Variants in ARHGEF4 observed in about 807,000 individuals in gnomAD.
The protein encoded by ARHGEF4 is Rho guanine nucleotide exchange factor 4.
In ARHGEF4, 119 loss-of-function variants were observed where a neutral mutation model predicts 162.0. That is an observed-to-expected ratio of 0.73 (90% CI 0.63 to 0.86). The LOEUF (loss-of-function observed/expected upper bound fraction) is 0.86. Among genes scored for constraint, ARHGEF4 ranks in the 40% least tolerant of loss-of-function variants. The probability of loss-of-function intolerance (pLI) is 0.00; values close to 1 mark genes in which losing one functional copy is unlikely to be tolerated. For missense variants in ARHGEF4, 2,488 were observed against 2,456.0 expected (o/e 1.01, Z -0.28); for synonymous variants, 1,014 against 979.9 (o/e 1.03, Z -0.65).
At chr2:131,040,741 C>G (rs988170657) in intron 8 of ARHGEF4, among the ~76,000 whole-genome samples, 9 of 152,180 alleles carry the variant, frequency 5.9e-5, no homozygotes, top group Non-Finnish European at 1.0e-4. Context: ...AGGGGCTGTT[C>G]AGAGTGAGCT....
chr2:131,004,630 G>T (rs993583433), intron 4 of ARHGEF4, among the ~76,000 whole-genome samples: 2 of 152,000 alleles, frequency 1.3e-5, no homozygotes, highest in African/African-American at 4.8e-5. Flanking sequence ...TTCCAGGCCT[G>T]ACCCGGCCGT....
intron 4 of ARHGEF4, among the ~76,000 whole-genome samples, chr2:130,987,245 T>C (rs1169302857): frequency 6.6e-6 from 1 of 152,174 alleles, no homozygotes. Flanking sequence ...CCAGAAGGAC[T>C]CCCCAAGTGC....
Position 130,897,936 on chromosome 2 carries a change from T to A in ARHGEF4, c.40-16050T>A, listed in dbSNP as rs538459090. On this transcript the variant is annotated intron_variant, in intron 1 of 13. Transcript: ENST00000409359. ...CAAATACCGGGCGACAGAAACTATT[T>A]TAGCTGCATTTGCTTTTTAGGTTTA... Among the ~76,000 whole-genome samples, 3 of 152,352 alleles carry A rather than the reference T, an allele frequency of 2.0e-5. No individual in the cohort carries two copies. In the South Asian group the frequency reaches 6.2e-4, roughly 32 times the overall value.
At chr2:130,906,028 C>T (rs1680791331) in intron 1 of ARHGEF4, among the ~76,000 whole-genome samples, 1 of 152,148 alleles carries the variant, frequency 6.6e-6, no homozygotes, top group Admixed American at 6.5e-5. Flanking sequence ...TGCTGTTACC[C>T]AGACTGTTCC....
intron 1 of ARHGEF4, among the ~76,000 whole-genome samples, chr2:130,898,869 C>T (rs577793655): frequency 1.8e-4 from 28 of 152,236 alleles, no homozygotes; most frequent in African/African-American, 6.5e-4. Flanking sequence ...CAGCATTTGA[C>T]GGCCTGGCTG....
chr2:130,873,025 C>A (rs1678590499), intron 1 of ARHGEF4, among the ~76,000 whole-genome samples: 1 of 152,234 alleles, frequency 6.6e-6, no homozygotes, highest in African/African-American at 2.4e-5. Context: ...AGTCAGGCAG[C>A]CAAGGCAGGG....
At chr2:130,851,435 G>A (rs1326420883) in intron 1 of ARHGEF4, among the ~76,000 whole-genome samples, 2 of 152,246 alleles carry the variant, frequency 1.3e-5, no homozygotes, top group Non-Finnish European at 2.9e-5. Flanking sequence ...TGGGAGTGGG[G>A]TGAGAATGTG....
At chr2:131,043,340 G>C in intron 10 of ARHGEF4, 112 bp from the exon 11 acceptor site, 2 of 1,444,408 alleles carry the variant, frequency 1.4e-6, no homozygotes, top group South Asian at 2.5e-5. Context: ...TGGCCAGGTG[G>C]GCGCTGCAGG....
intron 1 of ARHGEF4, among the ~76,000 whole-genome samples, chr2:130,874,164 T>C (rs1678678245): frequency 6.6e-6 from 1 of 152,218 alleles, no homozygotes; most frequent in Non-Finnish European, 1.5e-5. Flanking sequence ...GATCTCCCTA[T>C]CAGCAAAAAC....
Position 131,038,688 on chromosome 2 carries a change from C to T in ARHGEF4, c.4126-165C>T, listed in dbSNP as rs188180019. Among the ~76,000 whole-genome samples the T allele has an allele frequency of 6.8e-3, 1,035 of 152,328 alleles. 2 individuals are homozygous for T. Among genetic ancestry groups the T allele is most frequent in the Non-Finnish European group, 0.011 (745 of 68,028 alleles). On this transcript the variant is annotated intron_variant, in intron 5 of 13. Coordinates refer to ENST00000409359, the MANE Select transcript of ARHGEF4 (RefSeq NM_001367493.1). ...ATCTAGACATGCCCAGAACATAGCC[C>T]CTGCCCCAGGAAAGCCCTGCTCCTG...
At chr2:131,026,269 T>C (rs2105365124) in intron 4 of ARHGEF4, among the ~76,000 whole-genome samples, 1 of 152,308 alleles carries the variant, frequency 6.6e-6, no homozygotes, top group Non-Finnish European at 1.5e-5. Flanking sequence ...AGAAAAGTTA[T>C]AAAACATTAA....
chr2:131,009,171 G>A (rs987722467), intron 4 of ARHGEF4, among the ~76,000 whole-genome samples: 1 of 152,216 alleles, frequency 6.6e-6, no homozygotes, highest in African/African-American at 2.4e-5. Flanking sequence ...CACCACCAGG[G>A]ACACGCACCT....
At chr2:130,911,825 G>C (rs777052379) in intron 1 of ARHGEF4, among the ~76,000 whole-genome samples, 1 of 152,246 alleles carries the variant, frequency 6.6e-6, no homozygotes, top group Non-Finnish European at 1.5e-5. Flanking sequence ...GGGCAGCGAT[G>C]CTGGGCAGGG....
chr2:131,002,749 G>C (rs1394657098), intron 4 of ARHGEF4, among the ~76,000 whole-genome samples: 10 of 148,444 alleles, frequency 6.7e-5, no homozygotes, highest in Admixed American at 4.7e-4. Flanking sequence ...AAAGGGTTGT[G>C]GGGGCTGGGG....
intron 4 of ARHGEF4, among the ~76,000 whole-genome samples, chr2:130,955,423 T>C (rs886469570): frequency 1.4e-4 from 21 of 152,176 alleles, no homozygotes; most frequent in Non-Finnish European, 1.5e-4. Context: ...CCACTAGATT[T>C]GCTATTATTA....
At chr2:131,026,669 CAATT>C (rs1396087215) in intron 4 of ARHGEF4, among the ~76,000 whole-genome samples, 2 of 152,146 alleles carry the variant, frequency 1.3e-5, no homozygotes, top group African/African-American at 2.4e-5. Flanking sequence ...TCTAAAATGT[CAATT>C]AAAATCACAG....
intron 4 of ARHGEF4, among the ~76,000 whole-genome samples, chr2:131,009,678 G>C (rs908460275): frequency 6.6e-6 from 1 of 152,040 alleles, no homozygotes; most frequent in African/African-American, 2.4e-5. Flanking sequence ...CTCCAGTTCT[G>C]GAATTTCTAT....
rs1411099263 is a variant in ARHGEF4, at chr2:130,870,539, A to G, written c.39+33547A>G. Among the ~76,000 whole-genome samples, 3 of 152,134 alleles carry G rather than the reference A, an allele frequency of 2.0e-5. No homozygotes were observed. In the East Asian group the frequency reaches 5.8e-4, roughly 29 times the overall value. On this transcript the variant is annotated intron_variant, in intron 1 of 13. Transcript: ENST00000409359. ...TGCGGCCCTCATTTTCCTGCACCCA[A>G]TCTCATATGACCTTCTCAGAACCAT... is the stretch of plus-strand genomic sequence containing the variant.
At chr2:130,901,297 T>C (rs899158237) in intron 1 of ARHGEF4, among the ~76,000 whole-genome samples, 1 of 152,148 alleles carries the variant, frequency 6.6e-6, no homozygotes, top group Non-Finnish European at 1.5e-5. Flanking sequence ...TTGGCTTGCC[T>C]GAGTTGTACT....
Sources: gnomAD v4.1 joint callset for allele counts (sites outside exome capture counted in the v4.1 genomes callset) on GRCh38, gnomAD v4.1.1 for gene constraint, MANE v1.5 for transcripts, NCBI Gene and HGNC (gene_info 2026-07-23, HGNC 2026-07-21) for gene names.